Variants in CTR9 observed in about 807,000 individuals in gnomAD.
The protein encoded by CTR9 is CTR9 component of Paf1/RNA polymerase II complex, also known as RNA polymerase-associated protein CTR9 homolog.
Under a neutral mutation model 152.1 loss-of-function variants are expected in CTR9, and 41 were observed. The observed-to-expected ratio is 0.27, with a 90% CI of 0.21 to 0.35. The LOEUF (loss-of-function observed/expected upper bound fraction) is 0.35. Ranked by LOEUF, CTR9 falls within the 10% of genes least tolerant of loss-of-function variation. The pLI, the probability that CTR9 is intolerant of heterozygous loss-of-function variation, is 1.00. For synonymous variants in CTR9, 476 were observed against 496.2 expected, an observed-to-expected ratio of 0.96 and a Z score of 0.54; for missense variants, 917 against 1,424.4, an observed-to-expected ratio of 0.64 and a Z score of 5.73.
At chr11:10,766,347 TATG>T (rs1248157807) in intron 12 of CTR9, 52 bp from the exon 13 acceptor site, 3 of 1,350,138 alleles carry the variant, frequency 2.2e-6, no homozygotes, top group Non-Finnish European at 3.1e-6. Flanking sequence ...ACTTTAAAAT[TATG>T]ATCCTTTATA....
intron 24 of CTR9, among the ~76,000 whole-genome samples, chr11:10,776,006 A>G (rs1409185662): frequency 6.6e-6 from 1 of 152,206 alleles, no homozygotes; most frequent in African/African-American, 2.4e-5. Context: ...CCTACTGTTG[A>G]CACACTAAAA....
intron 7 of CTR9, among the ~76,000 whole-genome samples, chr11:10,762,892 T>C (rs890395117): frequency 6.6e-6 from 1 of 151,442 alleles, no homozygotes; most frequent in Admixed American, 6.6e-5. Flanking sequence ...GTAGTCTCAG[T>C]TACTCAGAAG....
In CTR9 at chr11:10,779,171, A is replaced by T; in HGVS notation, c.*66A>T. On this transcript the variant is annotated 3_prime_UTR_variant, in exon 25 of 25. Transcript: ENST00000361367. Reference sequence around the variant, plus strand: ...TTTTAATATATGAAAGCTGTGATAAAAATGTTTCAGATGTTTAGTCAATTG... The same window carrying T: ...TTTTAATATATGAAAGCTGTGATAATAATGTTTCAGATGTTTAGTCAATTG... The T allele has an allele frequency of 6.8e-7, 1 of 1,473,296 alleles. No homozygotes were observed. The highest frequency in any genetic ancestry group is 9.1e-7 in the Non-Finnish European group (1 of 1,101,462). The allele number at this position is 1,473,296 out of a possible 1,614,324, so 91.3% of individuals were successfully genotyped here.
chr11:10,763,105 G>A (rs1590020976), intron 7 of CTR9, among the ~76,000 whole-genome samples: 1 of 150,840 alleles, frequency 6.6e-6, no homozygotes, highest in South Asian at 2.1e-4. Context: ...GGGTGGATAA[G>A]TTGAGGAAGA....
In CTR9 at chr11:10,763,637, C is replaced by A. The variant is rs768359394; in HGVS notation, c.958-6C>A. On this transcript the variant is annotated splice_polypyrimidine_tract_variant and splice_region_variant and intron_variant, in intron 8 of 24. Coordinates refer to ENST00000361367, the MANE Select transcript of CTR9 (RefSeq NM_014633.5). ...ATATTGGTCTTTTTTAATTTTCATT[C>A]TTTAGGAAGATTATGACCAAGCTTT... 6 of 1,590,690 alleles carry A rather than the reference C, an allele frequency of 3.8e-6. No homozygotes were observed. The East Asian group carries it at 1.1e-4, about 30-fold the overall frequency.
chr11:10,768,962 C>T (rs1192248953), intron 16 of CTR9, among the ~76,000 whole-genome samples: 1 of 152,020 alleles, frequency 6.6e-6, no homozygotes, highest in African/African-American at 2.4e-5. Context: ...TCCTGTAATC[C>T]CAGCACTTTG....
At chr11:10,774,853 C>CT (rs1168375322) in intron 22 of CTR9, among the ~76,000 whole-genome samples, 7 of 152,154 alleles carry the variant, frequency 4.6e-5, no homozygotes, top group African/African-American at 1.7e-4. Context: ...AGTAGCAGCC[C>CT]TGGAATCAAT....
At chr11:10,754,516 A>G (rs941972579) in intron 2 of CTR9, among the ~76,000 whole-genome samples, 2 of 152,204 alleles carry the variant, frequency 1.3e-5, no homozygotes, top group Non-Finnish European at 2.9e-5. Context: ...ACCACAATCA[A>G]GATTAATGAA....
In CTR9 at chr11:10,751,396, C is replaced by T. The variant is rs376498911; in HGVS notation, c.-17C>T. The T allele has an allele frequency of 6.8e-6, 11 of 1,611,412 alleles. No individual in the cohort carries two copies. In the African/African-American group the frequency reaches 1.1e-4, roughly 16 times the overall value. The stretch of plus-strand genomic sequence containing the variant: ...GGAGCGGCGGGGCGAGACACTTGCT[C>T]GCCTTTTGACCCCATCATGTCGCGG... On this transcript the variant is annotated 5_prime_UTR_variant, in exon 1 of 25. Coordinates refer to ENST00000361367, the MANE Select transcript of CTR9 (RefSeq NM_014633.5).
At chr11:10,774,393 AG>A in intron 22 of CTR9, 1 of 379,148 alleles carries the variant, frequency 2.6e-6, no homozygotes, top group Non-Finnish European at 4.7e-6. Flanking sequence ...AAGCGCTGCA[AG>A]TTAGTCATAA....
In CTR9 at chr11:10,764,938, G is replaced by C. The variant is rs10770139; in HGVS notation, c.1597+207G>C. Reference sequence around the variant, plus strand: ...AGAAATAAGCAACTAAAACCAATTGGACCGTATTTCAATGACTAGGTTATC... The same window carrying C: ...AGAAATAAGCAACTAAAACCAATTGCACCGTATTTCAATGACTAGGTTATC... On this transcript the variant is annotated intron_variant, in intron 12 of 24. Coordinates refer to ENST00000361367, the MANE Select transcript of CTR9 (RefSeq NM_014633.5). Among the ~76,000 whole-genome samples, 84,215 of 151,984 alleles carry C rather than the reference G, an allele frequency of 0.55. 24,670 individuals carry two copies. The highest frequency in any genetic ancestry group is 0.82 in the East Asian group (4,267 of 5,178).
rs1334553990 is a variant in CTR9 at position 10,751,448 on chromosome 11, C to T, written c.36C>T (p.Asp12=). The T allele has an allele frequency of 6.2e-7, 1 of 1,613,770 alleles. No individual in the cohort carries two copies. Among genetic ancestry groups the T allele is most frequent in the East Asian group, 2.2e-5 (1 of 44,888 alleles). The change falls in exon 1 of 25, where the codon GAC becomes GAT. Residue 12 remains aspartate (D), a synonymous_variant. Coordinates refer to ENST00000361367, the MANE Select transcript of CTR9 (RefSeq NM_014633.5). ...SRGSIEIPLR[D]TDEVIELDFD... ...GCTCCATCGAGATTCCCCTCCGGGACACTGACGAGGTAAGTGTCGTGTATG... is the reference window on the plus strand; with the variant it reads ...GCTCCATCGAGATTCCCCTCCGGGATACTGACGAGGTAAGTGTCGTGTATG...
intron 3 of CTR9, among the ~76,000 whole-genome samples, chr11:10,755,425 C>T (rs1862870029): frequency 6.6e-6 from 1 of 152,148 alleles, no homozygotes; most frequent in Non-Finnish European, 1.5e-5. Context: ...ATTTTATTAT[C>T]TCCAGGTGAA....
At chr11:10,768,022 T>C (rs746621377) in intron 14 of CTR9, 31 bp downstream of exon 14, 12 of 1,613,388 alleles carry the variant, frequency 7.4e-6, no homozygotes, top group Non-Finnish European at 8.5e-7. Context: ...TAAACAAAAC[T>C]GATACTCTAC....
At chr11:10,771,234 A>G (rs1177314505) in intron 18 of CTR9, among the ~76,000 whole-genome samples, 1 of 152,192 alleles carries the variant, frequency 6.6e-6, no homozygotes, top group Non-Finnish European at 1.5e-5. Context: ...CTTGCCTGGT[A>G]AATTATAAGT....
intron 5 of CTR9, among the ~76,000 whole-genome samples, chr11:10,757,287 G>C (rs1294062955): frequency 1.3e-5 from 2 of 149,172 alleles, no homozygotes; most frequent in Admixed American, 1.3e-4. Context: ...CTTGTCTCAA[G>C]GGGAAAAAAA....
Position 10,771,593 on chromosome 11 carries a change from G to C in CTR9, c.2421G>C (p.Leu807Phe), listed in dbSNP as rs761129619. The change falls in exon 19 of 25, where the codon TTG (leucine) becomes TTC (phenylalanine). Residue 807 changes from leucine to phenylalanine, a missense_variant. Leu to Phe is a conservative substitution (Grantham distance 22, BLOSUM62 0). This residue lies in a region of CTR9 where 106 missense variants were observed against 157.8 expected (regional missense o/e 0.67). Transcript: ENST00000361367. ...TGGGAGATAAAATGAGATTTGATTT[G>C]GCCCTTGCTGCTACAGAAGCCAGGT... ...SKVGDKMRFD[L>F]ALAATEARQC... is the part of the protein sequence containing the mutation. 4 of 1,612,482 alleles carry C rather than the reference G, an allele frequency of 2.5e-6. No homozygotes were observed. The highest frequency in any genetic ancestry group is 3.4e-6 in the Non-Finnish European group (4 of 1,178,754).
intron 1 of CTR9, 33 bp downstream of exon 1, chr11:10,751,490 A>C: frequency 1.9e-6 from 3 of 1,608,048 alleles, no homozygotes; most frequent in Non-Finnish European, 2.5e-6. Context: ...GGTGGGGGCC[A>C]TGAACTTGTA....
chr11:10,767,669 AG>A lies in CTR9; in HGVS notation c.1687-136del. On this transcript the variant is annotated intron_variant, in intron 13 of 24. Transcript: ENST00000361367. The surrounding 1 kb of genome is among the most constrained non-coding windows in gnomAD (Gnocchi z 4.0). The stretch of plus-strand genomic sequence containing the variant: ...TTTGGATTGCCATGCAAAAAAAAAA[AG>A]AAAGAAAGAAAAGAAAGAAAACCAC... 4.0e-6 allele frequency: 3 copies of A among 751,002 alleles called. No homozygotes were observed. In the African/African-American group the frequency reaches 5.4e-5, roughly 14 times the overall value. 46.5% of individuals were successfully genotyped at this position (751,002 alleles called of 1,614,324 possible).
Sources: allele counts gnomAD v4.1 joint callset (sites outside exome capture counted in the v4.1 genomes callset), GRCh38; gene constraint gnomAD v4.1.1; regional missense constraint gnomAD v4.1.1; non-coding constraint Gnocchi (gnomAD v3.1); transcripts MANE v1.5; gene names NCBI Gene and HGNC (gene_info 2026-07-23, HGNC 2026-07-21).